The following LINGO2 variants were observed in gnomAD, a reference collection of about 807,000 sequenced individuals.
LINGO2 encodes leucine rich repeat and Ig domain containing 2, also known as leucine-rich repeat and immunoglobulin-like domain-containing nogo receptor-interacting protein 2.
Under a neutral mutation model 30.6 loss-of-function variants are expected in LINGO2, and 14 were observed. The ratio of observed to expected loss-of-function variants is 0.46; its 90% CI spans 0.30 to 0.72. LINGO2 has a LOEUF of 0.72. Ranked by LOEUF, LINGO2 falls within the 30% of genes least tolerant of loss-of-function variation. The pLI, the probability that LINGO2 is intolerant of heterozygous loss-of-function variation, is 0.07. For missense variants in LINGO2, 729 were observed against 751.7 expected (o/e 0.97, Z 0.35); for synonymous variants, 317 against 288.5 (o/e 1.10, Z -1.00).
In LINGO2 at chr9:28,148,967, T is replaced by C. The variant is rs1827899696; in HGVS notation, c.-86-136562A>G. Reference sequence around the variant, plus strand: ...CCACAGTTCCCACAAAAGAAAACTGTCGGGGCCACCGCTGCAGCTGCAACC... The same window carrying C: ...CCACAGTTCCCACAAAAGAAAACTGCCGGGGCCACCGCTGCAGCTGCAACC... On this transcript the variant is annotated intron_variant, in intron 4 of 5. Transcript: ENST00000379992. The surrounding 1 kb of genome is among the most constrained non-coding windows in gnomAD (Gnocchi z 5.1). 6.5e-7 allele frequency: 1 copy of C among 1,534,008 alleles called. No homozygotes were observed. The highest frequency in any genetic ancestry group is 8.7e-7 in the Non-Finnish European group (1 of 1,146,734).
chr9:29,111,359 T>C, the LINGO2 span, among the ~76,000 whole-genome samples: 1 of 152,160 alleles, frequency 6.6e-6, no homozygotes, highest in East Asian at 1.9e-4. Flanking sequence ...AGTTAGTGTT[T>C]ACGGCCCTTT....
At chr9:28,871,172 A>G in the LINGO2 span, among the ~76,000 whole-genome samples, 1 of 151,738 alleles carries the variant, frequency 6.6e-6, no homozygotes, top group Non-Finnish European at 1.5e-5. Context: ...CAATATTGCT[A>G]TGTAGATACT....
intron 4 of LINGO2, among the ~76,000 whole-genome samples, chr9:28,125,534 G>A (rs556636056): frequency 2.0e-5 from 3 of 152,268 alleles, no homozygotes; most frequent in Non-Finnish European, 4.4e-5. Context: ...GGTTCTCCTA[G>A]TATTTTTCTG....
chr9:27,972,850 G>A (rs1197616963), intron 5 of LINGO2, among the ~76,000 whole-genome samples: 1 of 152,186 alleles, frequency 6.6e-6, no homozygotes, highest in Admixed American at 6.5e-5. Context: ...GAGATGCCAG[G>A]ATAGTTACCA....
intron 4 of LINGO2, among the ~76,000 whole-genome samples, chr9:28,293,429 T>G (rs1823810017): frequency 6.6e-6 from 1 of 152,222 alleles, no homozygotes; most frequent in African/African-American, 2.4e-5. Flanking sequence ...TTTCTTATTT[T>G]TCTTTATTCC....
chr9:29,213,060 T>A, the LINGO2 span, among the ~76,000 whole-genome samples: 2 of 152,076 alleles, frequency 1.3e-5, no homozygotes, highest in African/African-American at 4.8e-5. Context: ...CAGGAGGGGA[T>A]GGCGGTTCAA....
chr9:28,841,560 G>C, the LINGO2 span, among the ~76,000 whole-genome samples: 9 of 151,452 alleles, frequency 5.9e-5, no homozygotes, highest in South Asian at 1.9e-3. Flanking sequence ...TTGGGAAACA[G>C]ACAATAAACA....
At chr9:27,993,926 T>TAA (rs921787085) in intron 5 of LINGO2, among the ~76,000 whole-genome samples, 1 of 147,388 alleles carries the variant, frequency 6.8e-6, no homozygotes, top group Non-Finnish European at 1.5e-5. Context: ...TTCAACAAAT[T>TAA]AAAAAAAAAA....
the LINGO2 span, among the ~76,000 whole-genome samples, chr9:28,877,512 C>A: frequency 6.6e-6 from 1 of 152,140 alleles, no homozygotes; most frequent in Non-Finnish European, 1.5e-5. Context: ...ATAGGGAATC[C>A]TTTCCCCATT....
At chr9:29,021,683 AG>A in the LINGO2 span, among the ~76,000 whole-genome samples, 1 of 47,226 alleles carries the variant, frequency 2.1e-5, no homozygotes, top group African/African-American at 1.0e-4. Context: ...AAGAAAAGAA[AG>A]GAAGGAAGGA....
the LINGO2 span, chr9:27,939,416 T>C: frequency 6.6e-6 from 1 of 152,226 alleles, no homozygotes; most frequent in Non-Finnish European, 1.5e-5. Context: ...AGAACTGCCA[T>C]GAAGAGCTCT....
chr9:28,753,546 G>C, the LINGO2 span, among the ~76,000 whole-genome samples: 2 of 152,012 alleles, frequency 1.3e-5, no homozygotes, highest in African/African-American at 4.8e-5. Flanking sequence ...CTAAGAAGAA[G>C]CCATAATATA....
At chr9:28,071,305 C>G (rs1374481850) in intron 4 of LINGO2, among the ~76,000 whole-genome samples, 1 of 152,116 alleles carries the variant, frequency 6.6e-6, no homozygotes, top group Non-Finnish European at 1.5e-5. Context: ...AGTCACTACA[C>G]TCATGTAACA....
the LINGO2 span, among the ~76,000 whole-genome samples, chr9:29,029,996 T>G: frequency 6.6e-6 from 1 of 152,040 alleles, no homozygotes; most frequent in African/African-American, 2.4e-5. Context: ...TGTAGCAACT[T>G]ATAAAAGTTA....
chr9:28,516,498 T>C (rs1820624430), intron 1 of LINGO2, among the ~76,000 whole-genome samples: 1 of 152,156 alleles, frequency 6.6e-6, no homozygotes, highest in South Asian at 2.1e-4. Context: ...GTGTGGTATC[T>C]CCCTGCCTGG....
chr9:28,680,362 A>T, the LINGO2 span, among the ~76,000 whole-genome samples: 1 of 152,012 alleles, frequency 6.6e-6, no homozygotes, highest in African/African-American at 2.4e-5. Context: ...CATTCATCTG[A>T]TGAGAAACAA....
intron 1 of LINGO2, among the ~76,000 whole-genome samples, chr9:28,620,648 C>T (rs1228600900): frequency 1.3e-5 from 2 of 151,918 alleles, no homozygotes; most frequent in East Asian, 1.9e-4. Flanking sequence ...ATATATATGA[C>T]CAGTTCTAGG....
intron 1 of LINGO2, among the ~76,000 whole-genome samples, chr9:28,542,151 A>G (rs1356306269): frequency 1.3e-5 from 2 of 152,148 alleles, no homozygotes; most frequent in South Asian, 4.1e-4. Context: ...TCTGCAGTGG[A>G]TATTACCTTC....
chr9:27,989,090 T>C (rs1162737075), intron 5 of LINGO2, among the ~76,000 whole-genome samples: 1 of 151,932 alleles, frequency 6.6e-6, no homozygotes, highest in Non-Finnish European at 1.5e-5. Context: ...GCTTTGTTGA[T>C]AGTTTTGAAA....
Sources: gnomAD v4.1 joint callset for allele counts (sites outside exome capture counted in the v4.1 genomes callset) on GRCh38, gnomAD v4.1.1 for gene constraint, Gnocchi (gnomAD v3.1) non-coding constraint, MANE v1.5 for transcripts, NCBI Gene and HGNC (gene_info 2026-07-23, HGNC 2026-07-21) for gene names.